SPIDR: variants seen among roughly 807,000 people sequenced by gnomAD.
SPIDR encodes DNA repair-scaffolding protein.
A neutral mutation model predicts 104.6 loss-of-function variants in SPIDR; 93 were observed. That is an observed-to-expected ratio of 0.89 (90% confidence interval 0.75 to 1.06). The LOEUF (loss-of-function observed/expected upper bound fraction) is 1.06, where lower values mean the gene tolerates loss of function less well. SPIDR is among the 50% of genes least tolerant of loss of function. The pLI is 0.00. For missense variants in SPIDR, 1,154 were observed against 1,111.2 expected (o/e 1.04, Z -0.55); for synonymous variants, 431 against 416.9 (o/e 1.03, Z -0.41).
intron 8 of SPIDR, among the ~76,000 whole-genome samples, chr8:47,539,570 TG>T (rs1181148824): frequency 1.3e-5 from 2 of 152,318 alleles, no homozygotes; most frequent in East Asian, 3.9e-4. Flanking sequence ...ATGTCCTTTT[TG>T]GTGGTTTTTC....
intron 5 of SPIDR, among the ~76,000 whole-genome samples, chr8:47,364,703 TCTTTTCG>T (rs782644910): frequency 1.4e-4 from 22 of 152,218 alleles, no homozygotes; most frequent in Non-Finnish European, 2.2e-4. Context: ...TTTCAGGAAG[TCTTTTCG>T]GTGGCATTTT....
At chr8:47,678,150 G>C (rs1038157870) in intron 11 of SPIDR, among the ~76,000 whole-genome samples, 1 of 152,310 alleles carries the variant, frequency 6.6e-6, no homozygotes, top group Non-Finnish European at 1.5e-5. Flanking sequence ...CTGTGTGCCA[G>C]ATTTGGGGGA....
In SPIDR at chr8:47,292,181, G is replaced by A. The variant is rs1030693076; in HGVS notation, c.361+1044G>A. On this transcript the variant is annotated intron_variant, in intron 4 of 19. Transcript: ENST00000297423. ...TACAAATCATCTATAGAGTATTTCA[G>A]TGTCTTAATGTTTTCAAAATAAGCT... Among the ~76,000 whole-genome samples the A allele has an allele frequency of 2.7e-3, 418 of 152,228 alleles. 1 individual carries two copies. Among genetic ancestry groups the A allele is most frequent in the African/African-American group, 9.8e-3 (409 of 41,542 alleles).
chr8:47,301,476 A>G (rs1384488527), intron 5 of SPIDR, among the ~76,000 whole-genome samples: 1 of 151,998 alleles, frequency 6.6e-6, no homozygotes, highest in Non-Finnish European at 1.5e-5. Context: ...TGTGAATTTG[A>G]TCCTGTCATT....
rs79049707 is a variant in SPIDR at position 47,376,285 on chromosome 8, G to A, written c.526-20091G>A. On this transcript the variant is annotated intron_variant, in intron 5 of 19. Coordinates refer to ENST00000297423, the MANE Select transcript of SPIDR (RefSeq NM_001080394.4). Reference sequence around the variant, plus strand: ...AAGTTGAGAGCAGCCTCAATTGCTTGCAAGGAAACAGGGACCCCAGTGTGG... The same window carrying A: ...AAGTTGAGAGCAGCCTCAATTGCTTACAAGGAAACAGGGACCCCAGTGTGG... Among the ~76,000 whole-genome samples the A allele has an allele frequency of 4.8e-3, 727 of 152,250 alleles. 5 individuals carry two copies. Among genetic ancestry groups the A allele is most frequent in the African/African-American group, 0.017 (690 of 41,548 alleles).
chr8:47,701,632 A>T, intron 12 of SPIDR, 89 bp from the exon 13 acceptor site: 4 of 1,288,890 alleles, frequency 3.1e-6, no homozygotes, highest in East Asian at 2.3e-5. Context: ...GCAAATATGT[A>T]TATATTAAAG....
intron 7 of SPIDR, among the ~76,000 whole-genome samples, chr8:47,439,874 T>A (rs1481953549): frequency 6.6e-6 from 1 of 152,174 alleles, no homozygotes; most frequent in Non-Finnish European, 1.5e-5. Flanking sequence ...TTGGAACAGC[T>A]GCAGCCAGCT....
At chr8:47,657,974 G>A (rs2073165615) in intron 10 of SPIDR, among the ~76,000 whole-genome samples, 1 of 141,430 alleles carries the variant, frequency 7.1e-6, no homozygotes. Flanking sequence ...AGGCTGCACT[G>A]AGCCGTGATC....
Position 47,715,964 on chromosome 8 carries a change from C to CTT in SPIDR, c.2341+2341_2341+2342dup, listed in dbSNP as rs965625857. ...AGGGGTTTGTGCCTCTCTCTTTTTT[C>CTT]TTTTTTTTTTTTTTTTTTTGGAGAC... On this transcript the variant is annotated intron_variant, in intron 16 of 19. Coordinates refer to ENST00000297423, the MANE Select transcript of SPIDR (RefSeq NM_001080394.4). Among the ~76,000 whole-genome samples the CTT allele has an allele frequency of 7.7e-4, 98 of 127,090 alleles. 1 individual carries two copies. Among genetic ancestry groups the CTT allele is most frequent in the African/African-American group, 1.8e-3 (60 of 33,328 alleles). The allele number at this position is 127,090 out of a possible 152,430, so 83.4% of individuals were successfully genotyped here. A position where few individuals can be genotyped will look rare whatever the true frequency, so the allele number is the denominator to read the frequency against.
intron 8 of SPIDR, among the ~76,000 whole-genome samples, chr8:47,539,704 T>G (rs1213436082): frequency 6.6e-6 from 1 of 152,094 alleles, no homozygotes; most frequent in Non-Finnish European, 1.5e-5. Context: ...GAAGTGGGGT[T>G]TGGTGCATAC....
At chr8:47,364,959 T>C (rs1368489587) in intron 5 of SPIDR, among the ~76,000 whole-genome samples, 1 of 152,194 alleles carries the variant, frequency 6.6e-6, no homozygotes, top group East Asian at 1.9e-4. Context: ...CCCTCCGTCT[T>C]CCCCACAGCA....
intron 8 of SPIDR, among the ~76,000 whole-genome samples, chr8:47,578,375 G>A (rs1241371125): frequency 6.6e-6 from 1 of 152,118 alleles, no homozygotes; most frequent in East Asian, 1.9e-4. Flanking sequence ...GGGAGGCTGA[G>A]GCAGGAGAAT....
intron 8 of SPIDR, among the ~76,000 whole-genome samples, chr8:47,576,832 C>G (rs1248417665): frequency 2.0e-5 from 3 of 152,110 alleles, no homozygotes; most frequent in African/African-American, 2.4e-5. Flanking sequence ...TACCTGTATA[C>G]AAGATAAAAT....
At chr8:47,670,294 A>G (rs1331725984) in intron 10 of SPIDR, among the ~76,000 whole-genome samples, 7 of 152,160 alleles carry the variant, frequency 4.6e-5, no homozygotes, top group Admixed American at 6.5e-5. Flanking sequence ...TAAATGGTGT[A>G]TATACCAAAA....
intron 8 of SPIDR, among the ~76,000 whole-genome samples, chr8:47,576,358 C>T (rs1220376408): frequency 6.6e-6 from 1 of 152,202 alleles, no homozygotes; most frequent in African/African-American, 2.4e-5. Flanking sequence ...CCCATGTTGG[C>T]CAGGCATGTC....
intron 8 of SPIDR, among the ~76,000 whole-genome samples, chr8:47,551,283 A>G (rs1287581439): frequency 6.6e-6 from 1 of 152,220 alleles, no homozygotes; most frequent in Non-Finnish European, 1.5e-5. Flanking sequence ...TGCTGGCCTC[A>G]TAATATGAGT....
At chr8:47,540,192 C>G (rs201209345) in intron 8 of SPIDR, among the ~76,000 whole-genome samples, 2 of 152,064 alleles carry the variant, frequency 1.3e-5, no homozygotes, top group South Asian at 2.1e-4. Context: ...AATTTAGGAC[C>G]AAAACTTCCA....
At chr8:47,316,306 G>A (rs894599407) in intron 5 of SPIDR, among the ~76,000 whole-genome samples, 23 of 152,190 alleles carry the variant, frequency 1.5e-4, no homozygotes, top group Non-Finnish European at 4.4e-5. Flanking sequence ...TATATGTAGA[G>A]CAATGAGAAC....
At chr8:47,625,089 A>T (rs1480414285) in intron 10 of SPIDR, among the ~76,000 whole-genome samples, 1 of 152,222 alleles carries the variant, frequency 6.6e-6, no homozygotes, top group Middle Eastern at 3.2e-3. Flanking sequence ...CAACATACAC[A>T]AATCAATAAA....
Sources: gnomAD v4.1 joint callset for allele counts (sites outside exome capture counted in the v4.1 genomes callset) on GRCh38, gnomAD v4.1.1 for gene constraint, MANE v1.5 for transcripts, NCBI Gene and HGNC (gene_info 2026-07-23, HGNC 2026-07-21) for gene names.